TMEM255A: variants seen among roughly 807,000 people sequenced by gnomAD.
TMEM255A encodes the protein transmembrane protein 255A.
Under a neutral mutation model 23.5 loss-of-function variants are expected in TMEM255A, and 14 were observed. The observed-to-expected ratio is 0.60, with a 90% confidence interval of 0.39 to 0.93. TMEM255A has a LOEUF of 0.93. Among genes scored for constraint, TMEM255A ranks in the 40% least tolerant of loss-of-function variants. The pLI is 0.00. For synonymous variants in TMEM255A, 104 were observed against 100.3 expected (o/e 1.04, Z -0.22); for missense variants, 233 against 261.7 (o/e 0.89, Z 0.76).
intron 7 of TMEM255A, among the ~76,000 whole-genome samples, chrX:120,268,722 T>C (rs1432775301): frequency 1.8e-5 from 2 of 111,845 alleles, no homozygotes; most frequent in Non-Finnish European, 3.8e-5. Flanking sequence ...TTAGGAGGTA[T>C]ATAGGGATTC....
chrX:120,271,481 C>T (rs1394407816), intron 7 of TMEM255A, among the ~76,000 whole-genome samples: 5 of 111,721 alleles, frequency 4.5e-5, no homozygotes, highest in Non-Finnish European at 7.5e-5. Flanking sequence ...CCATTATTGC[C>T]GCTATCAAGA....
chrX:120,258,481 CTG>C (rs1215758100), downstream of TMEM255A: 2 of 116,486 alleles, frequency 1.7e-5, no homozygotes, highest in Non-Finnish European at 3.8e-5. Flanking sequence ...TAGCAGGAGA[CTG>C]GGGCTGTATT....
At chrX:120,287,948 C>A (rs1379707235) in intron 4 of TMEM255A, among the ~76,000 whole-genome samples, 1 of 111,341 alleles carries the variant, frequency 9.0e-6, no homozygotes, top group Admixed American at 9.5e-5. Flanking sequence ...GGGGTAGAAC[C>A]AATAGACACA....
At chrX:120,252,995 C>G in the TMEM255A span, among the ~76,000 whole-genome samples, 3 of 111,829 alleles carry the variant, frequency 2.7e-5, no homozygotes, top group African/African-American at 9.8e-5. Context: ...CATTTACAGG[C>G]GAAATAACTT....
chrX:120,262,283 C>G (rs1556016799), intron 8 of TMEM255A, among the ~76,000 whole-genome samples: 2 of 111,505 alleles, frequency 1.8e-5, no homozygotes, highest in South Asian at 3.8e-4. Flanking sequence ...GAGTGAGACT[C>G]CGTCTCGAAA....
downstream of TMEM255A, chrX:120,254,835 A>G: frequency 8.3e-7 from 1 of 1,212,106 alleles, no homozygotes; most frequent in Non-Finnish European, 1.1e-6. Flanking sequence ...GATGGCAAAC[A>G]AACGTATGAA....
intron 7 of TMEM255A, among the ~76,000 whole-genome samples, chrX:120,276,280 C>T (rs1277481691): frequency 8.9e-6 from 1 of 112,182 alleles, no homozygotes; most frequent in Non-Finnish European, 1.9e-5. Context: ...TTTGCAGACA[C>T]ACACACACAA....
At chrX:120,273,889 C>T (rs1400501838) in intron 7 of TMEM255A, among the ~76,000 whole-genome samples, 2 of 112,036 alleles carry the variant, frequency 1.8e-5, no homozygotes, top group South Asian at 3.7e-4. Context: ...TACCAAATGA[C>T]CCAGCAATTC....
chrX:120,307,413 CT>C (rs782551986), intron 1 of TMEM255A, among the ~76,000 whole-genome samples: 2 of 112,029 alleles, frequency 1.8e-5, no homozygotes, highest in Admixed American at 1.9e-4. Context: ...CCATCTTATT[CT>C]GATTTTGTTT....
At chrX:120,300,612 C>G (rs1025017826) in intron 2 of TMEM255A, among the ~76,000 whole-genome samples, 2 of 91,013 alleles carry the variant, frequency 2.2e-5, no homozygotes, top group Non-Finnish European at 4.1e-5. Context: ...CTAGGCTGGT[C>G]TCAAACTCCT....
At chrX:120,302,666 G>A (rs2058040652) in intron 2 of TMEM255A, among the ~76,000 whole-genome samples, 1 of 111,294 alleles carries the variant, frequency 9.0e-6, no homozygotes, top group African/African-American at 3.3e-5. Context: ...CAGCTGGGAG[G>A]AGCCCTGCCT....
At chrX:120,251,861 T>C in the TMEM255A span, among the ~76,000 whole-genome samples, 1 of 112,371 alleles carries the variant, frequency 8.9e-6, no homozygotes, top group Non-Finnish European at 1.9e-5. Flanking sequence ...CCTGGACACG[T>C]ACATTTGACG....
Position 120,289,022 on chromosome X carries a change from C to T in TMEM255A, c.355-1800G>A, listed in dbSNP as rs191497808. Among the ~76,000 whole-genome samples the T allele has an allele frequency of 2.9e-3, 325 of 111,627 alleles. 2 individuals are homozygous for T. Among genetic ancestry groups the T allele is most frequent in the African/African-American group, 9.9e-3 (305 of 30,690 alleles). ...TAGGTCTTGAGAGGAAGTTCAGATTCACCCAAGTCAAAGGAACAGGGAAAG... is the reference window on the plus strand; with the variant it reads ...TAGGTCTTGAGAGGAAGTTCAGATTTACCCAAGTCAAAGGAACAGGGAAAG... On this transcript the variant is annotated intron_variant, in intron 4 of 8. Transcript: ENST00000371369.
intron 2 of TMEM255A, among the ~76,000 whole-genome samples, chrX:120,302,255 A>G (rs2058037678): frequency 9.0e-6 from 1 of 111,409 alleles, no homozygotes; most frequent in African/African-American, 3.3e-5. Context: ...ACAGTAAGAT[A>G]TTCCACAGAG....
At chrX:120,285,275 G>A in intron 5 of TMEM255A, 60 bp from the exon 6 acceptor site, 1 of 997,777 alleles carries the variant, frequency 1.0e-6, no homozygotes, top group South Asian at 1.9e-5. Context: ...GGACCCTCTG[G>A]GATTGGAAAT....
intron 2 of TMEM255A, among the ~76,000 whole-genome samples, chrX:120,296,779 TATATCATATATAATATATATGATATATAA>T (rs1161379898): frequency 0.2 from 2,675 of 13,120 alleles, 398 homozygotes; most frequent in Middle Eastern, 0.26. Flanking sequence ...AAATATATTA[TATATCATATATAATATATATGATATATAA>T]TATATATCAT....
At chrX:120,281,111 G>A (rs996425404) in intron 6 of TMEM255A, among the ~76,000 whole-genome samples, 5 of 112,296 alleles carry the variant, frequency 4.5e-5, no homozygotes, top group African/African-American at 1.3e-4. Context: ...GGCCAAGGCC[G>A]ACATGATGTT....
Position 120,268,404 on chromosome X carries a change from A to G in TMEM255A, c.676-17T>C. ...AGTTGGGTTCTGTAGAAAAACACAA[A>G]TTAGAAACAACATAAACAGTCATCA... On this transcript the variant is annotated splice_polypyrimidine_tract_variant and intron_variant, in intron 7 of 8. Coordinates refer to ENST00000371369, the MANE Select transcript of TMEM255A (RefSeq NM_001104544.3). 1 of 1,173,158 alleles carries G rather than the reference A, an allele frequency of 8.5e-7. No individual in the cohort carries two copies. The highest frequency in any genetic ancestry group is 1.9e-5 in the South Asian group (1 of 52,324).
At chrX:120,270,482 T>C (rs1603400466) in intron 7 of TMEM255A, among the ~76,000 whole-genome samples, 2 of 109,446 alleles carry the variant, frequency 1.8e-5, no homozygotes, top group African/African-American at 6.6e-5. Context: ...TCTGAGACAA[T>C]GATTGTGGAC....
Sources: allele counts gnomAD v4.1 joint callset (sites outside exome capture counted in the v4.1 genomes callset), GRCh38; gene constraint gnomAD v4.1.1; transcripts MANE v1.5; gene names NCBI Gene and HGNC (gene_info 2026-07-23, HGNC 2026-07-21).